The following OCLN variants were observed in gnomAD, a reference collection of about 807,000 sequenced individuals.
OCLN encodes the protein phosphatase 1, regulatory subunit 115.
In OCLN, 21 loss-of-function variants were observed where a neutral mutation model predicts 47.9. The ratio of observed to expected loss-of-function variants is 0.44; its 90% confidence interval spans 0.31 to 0.63. The LOEUF (loss-of-function observed/expected upper bound fraction) is 0.63. OCLN is among the 30% of genes least tolerant of loss of function. The pLI is 0.08. For synonymous variants in OCLN, 117 were observed against 198.4 expected (o/e 0.59, Z 3.45); for missense variants, 360 against 571.0 (o/e 0.63, Z 3.77).
At chr5:69,523,724 TGG>T (rs1162616975) in intron 4 of OCLN, among the ~76,000 whole-genome samples, 1 of 151,984 alleles carries the variant, frequency 6.6e-6, no homozygotes, top group Non-Finnish European at 1.5e-5. Context: ...TTAGTAGACA[TGG>T]GGTTTTGCCA....
At chr5:69,496,223 C>G (rs1296462549) in intron 1 of OCLN, among the ~76,000 whole-genome samples, 4 of 152,028 alleles carry the variant, frequency 2.6e-5, no homozygotes, top group Non-Finnish European at 4.4e-5. Flanking sequence ...CTCGGCCTCC[C>G]GAGTAGTTGG....
At chr5:69,520,653 C>T (rs1374770671) in intron 4 of OCLN, among the ~76,000 whole-genome samples, 1 of 151,968 alleles carries the variant, frequency 6.6e-6, no homozygotes, top group African/African-American at 2.4e-5. Flanking sequence ...TGGAAGTATG[C>T]TCATACTCCC....
In OCLN at chr5:69,504,353, A is replaced by C. The variant is rs543657324; in HGVS notation, c.50+59A>C. The C allele has an allele frequency of 4.0e-6, 4 of 1,002,488 alleles. No individual in the cohort carries two copies. The African/African-American group carries it at 4.8e-5, about 12-fold the overall frequency. The allele number at this position is 1,002,488 out of a possible 1,614,324, so 62.1% of individuals were successfully genotyped here. A position where few individuals can be genotyped will look rare whatever the true frequency, so the allele number is the denominator to read the frequency against. The stretch of plus-strand genomic sequence containing the variant: ...AAAAGTCTATCACATGTAAACAATA[A>C]GTATGGTTGAAACTTTAAGTGTTTG... On this transcript the variant is annotated intron_variant, in intron 2 of 8. Coordinates refer to ENST00000396442, the MANE Select transcript of OCLN (RefSeq NM_001205254.2).
At position 69,549,060 on chromosome 5, in the gene OCLN, G is replaced by A. The variant is rs182971683; in HGVS notation, c.1425+959G>A. Among the ~76,000 whole-genome samples the A allele has an allele frequency of 2.5e-3, 378 of 149,846 alleles. 1 individual carries two copies. Among genetic ancestry groups the A allele is most frequent in the African/African-American group, 8.6e-3 (353 of 40,866 alleles). On this transcript the variant is annotated intron_variant, in intron 7 of 8. Transcript: ENST00000396442. ...AAAAGAACTTAAGCGGCCGGGCACG[G>A]TGGCTAATGCCTGTAATCCCAGCAC...
chr5:69,524,478 G>C (rs1287999824), intron 4 of OCLN, among the ~76,000 whole-genome samples: 1 of 152,196 alleles, frequency 6.6e-6, no homozygotes, highest in Non-Finnish European at 1.5e-5. Flanking sequence ...TAACTTTGTA[G>C]AAGGTGTACC....
chr5:69,521,530 G>A (rs910643103), intron 4 of OCLN, among the ~76,000 whole-genome samples: 2 of 152,126 alleles, frequency 1.3e-5, no homozygotes, highest in African/African-American at 4.8e-5. Flanking sequence ...AGCTACTCGG[G>A]AGGATGAGAC....
intron 2 of OCLN, among the ~76,000 whole-genome samples, chr5:69,506,039 C>T (rs1210741193): frequency 6.6e-6 from 1 of 152,192 alleles, no homozygotes; most frequent in Non-Finnish European, 1.5e-5. Flanking sequence ...GTTTCTGACC[C>T]ACCTACAGTA....
chr5:69,521,869 T>C (rs1769147246), intron 4 of OCLN, among the ~76,000 whole-genome samples: 1 of 152,246 alleles, frequency 6.6e-6, no homozygotes, highest in African/African-American at 2.4e-5. Flanking sequence ...GACATCTTCA[T>C]AGCATGGCTT....
chr5:69,518,481 C>T (rs1012372193), intron 4 of OCLN, among the ~76,000 whole-genome samples: 1 of 152,164 alleles, frequency 6.6e-6, no homozygotes, highest in Non-Finnish European at 1.5e-5. Context: ...AGATATTTTG[C>T]CTTTCTTTCT....
At chr5:69,533,420 G>A (rs193224838) in intron 4 of OCLN, among the ~76,000 whole-genome samples, 174 of 152,232 alleles carry the variant, frequency 1.1e-3, no homozygotes, top group Admixed American at 3.1e-3. Flanking sequence ...TGTTCATCAG[G>A]AATTCTCACT....
chr5:69,522,731 AT>A (rs887366720), intron 4 of OCLN, among the ~76,000 whole-genome samples: 35 of 143,444 alleles, frequency 2.4e-4, no homozygotes, highest in East Asian at 8.1e-4. Flanking sequence ...TTTCCCTTTT[AT>A]TTTTTTTTTT....
rs774332591 is a variant in OCLN, at chr5:69,509,484, A to G, written c.394A>G (p.Thr132Ala). 1.6e-5 allele frequency: 26 copies of G among 1,614,194 alleles called. No individual in the cohort carries two copies. In the Admixed American group the frequency reaches 4.3e-4, roughly 27 times the overall value. The change falls in exon 3 of 9, where the codon ACA becomes GCA. Residue 132 changes from threonine (T) to alanine (A), a missense_variant. Coordinates refer to ENST00000396442, the MANE Select transcript of OCLN (RefSeq NM_001205254.2). ...YGYGYGYGGY[T>A]DPRAAKGFML... ...TTATGGCTATGGCTACGGAGGCTAT[A>G]CAGACCCAAGAGCAGCAAAGGGCTT...
intron 2 of OCLN, among the ~76,000 whole-genome samples, chr5:69,508,826 T>A (rs116415601): frequency 2.6e-3 from 399 of 152,330 alleles, no homozygotes; most frequent in African/African-American, 9.2e-3. Context: ...TATAAAAATA[T>A]GTGATCCAGA....
intron 1 of OCLN, among the ~76,000 whole-genome samples, chr5:69,494,570 C>T (rs1411717803): frequency 6.6e-6 from 1 of 152,170 alleles, no homozygotes; most frequent in East Asian, 1.9e-4. Flanking sequence ...AACAAAGCAA[C>T]ACTTTTTTTT....
At chr5:69,516,729 T>C (rs1768982590) in intron 4 of OCLN, among the ~76,000 whole-genome samples, 1 of 152,142 alleles carries the variant, frequency 6.6e-6, no homozygotes, top group Non-Finnish European at 1.5e-5. Context: ...TCTTTAAAGA[T>C]GCCTCCCAAA....
chr5:69,534,126 A>C (rs1432943988), intron 4 of OCLN, among the ~76,000 whole-genome samples: 1 of 130,626 alleles, frequency 7.7e-6, no homozygotes, highest in Non-Finnish European at 1.6e-5. Flanking sequence ...AGAATAAACA[A>C]ATCTCTTATT....
At chr5:69,532,825 G>A (rs1378506180) in intron 4 of OCLN, among the ~76,000 whole-genome samples, 9 of 151,776 alleles carry the variant, frequency 5.9e-5, no homozygotes, top group African/African-American at 1.7e-4. Context: ...AAAATTAGCC[G>A]GGCATGTTGG....
intron 5 of OCLN, among the ~76,000 whole-genome samples, chr5:69,536,697 G>A (rs1361794697): frequency 1.3e-5 from 2 of 151,252 alleles, no homozygotes; most frequent in African/African-American, 2.4e-5. Flanking sequence ...GGCCGGACGC[G>A]GTGGCTCACC....
At chr5:69,505,148 G>T (rs1046641391) in intron 2 of OCLN, among the ~76,000 whole-genome samples, 15 of 152,132 alleles carry the variant, frequency 9.9e-5, no homozygotes, top group Non-Finnish European at 1.9e-4. Context: ...TATTTGGGAG[G>T]CTGAGACAGG....
Sources: allele counts gnomAD v4.1 joint callset (sites outside exome capture counted in the v4.1 genomes callset), GRCh38; gene constraint gnomAD v4.1.1; transcripts MANE v1.5; gene names NCBI Gene and HGNC (gene_info 2026-07-23, HGNC 2026-07-21).